Variants in FBXO31 observed in about 807,000 individuals in gnomAD.
The protein encoded by FBXO31 is F-box only protein 31.
FBXO31 carries 24 observed loss-of-function variants against 54.4 expected under a neutral mutation model. The ratio of observed to expected loss-of-function variants is 0.44; its 90% CI spans 0.32 to 0.62. The LOEUF (loss-of-function observed/expected upper bound fraction) is 0.62, where lower values mean the gene tolerates loss of function less well. Among genes scored for constraint, FBXO31 ranks in the 20% least tolerant of loss-of-function variants. The probability of loss-of-function intolerance (pLI) is 0.05; values close to 1 mark genes in which losing one functional copy is unlikely to be tolerated. For missense variants in FBXO31, 665 were observed against 787.1 expected (o/e 0.84, Z 1.86); for synonymous variants, 388 against 335.6 (o/e 1.16, Z -1.71).
rs531822619 is a variant in FBXO31, at chr16:87,345,351, G to A, written c.490-1586C>T. ...GGGCGGGAGGCAGGGTGGGAGGGAGGGAGGGGAAGAGGGTGGGAGGGCGGA... is the reference window on the plus strand; with the variant it reads ...GGGCGGGAGGCAGGGTGGGAGGGAGAGAGGGGAAGAGGGTGGGAGGGCGGA... On this transcript the variant is annotated intron_variant, in intron 3 of 8. Transcript: ENST00000311635. This position sits in a 1 kb window ranked among gnomAD's most constrained non-coding sequence, Gnocchi z 4.9. Among the ~76,000 whole-genome samples, 4 of 142,198 alleles carry A rather than the reference G, an allele frequency of 2.8e-5. No individual in the cohort carries two copies. The South Asian group carries it at 1.0e-3, about 36-fold the overall frequency. 93.3% of individuals were successfully genotyped at this position (142,198 alleles called of 152,430 possible). A position where few individuals can be genotyped will look rare whatever the true frequency, so the allele number is the denominator to read the frequency against.
At chr16:87,332,693 G>A (rs71390886) in intron 8 of FBXO31, among the ~76,000 whole-genome samples, 1,565 of 30,276 alleles carry the variant, frequency 0.052, 15 homozygotes, top group Middle Eastern at 0.094. Context: ...AACCCCCTCC[G>A]GGAGCTGGGC....
intron 1 of FBXO31, among the ~76,000 whole-genome samples, chr16:87,365,082 A>T (rs1200708508): frequency 7.5e-6 from 1 of 133,512 alleles, no homozygotes; most frequent in African/African-American, 2.8e-5. Context: ...CTGTGAGGAT[A>T]TAAAGGTCTT....
chr16:87,342,414 G>A (rs1256202414), intron 5 of FBXO31, among the ~76,000 whole-genome samples: 1 of 152,138 alleles, frequency 6.6e-6, no homozygotes, highest in African/African-American at 2.4e-5. Flanking sequence ...AAACTCAAGG[G>A]CAATATTAAA....
chr16:87,354,480 A>C (rs1313245549), intron 2 of FBXO31, among the ~76,000 whole-genome samples: 1 of 151,524 alleles, frequency 6.6e-6, no homozygotes, highest in South Asian at 2.1e-4. Flanking sequence ...AAAAAAAAAA[A>C]CCCAAAAATG....
intron 1 of FBXO31, among the ~76,000 whole-genome samples, chr16:87,370,934 A>C (rs1906575906): frequency 6.6e-6 from 1 of 152,194 alleles, no homozygotes; most frequent in Non-Finnish European, 1.5e-5. Context: ...GGCACAGGGA[A>C]TGAGCTGGCG....
At chr16:87,332,576 C>G (rs1900026965) in intron 8 of FBXO31, among the ~76,000 whole-genome samples, 1 of 152,132 alleles carries the variant, frequency 6.6e-6, no homozygotes, top group South Asian at 2.1e-4. Flanking sequence ...CTGTAAACCC[C>G]CCAGTCACCG....
In FBXO31 at chr16:87,378,174, A is replaced by C. The variant is rs572388182; in HGVS notation, c.340+5231T>G. ...AACTCCATCTCAAAAAAAAAAACAA[A>C]ACAAAACCAGAAATCTATCCAGATT... On this transcript the variant is annotated intron_variant, in intron 1 of 8. Coordinates refer to ENST00000311635, the MANE Select transcript of FBXO31 (RefSeq NM_024735.5). Among the ~76,000 whole-genome samples, 311 of 152,150 alleles carry C rather than the reference A, an allele frequency of 2.0e-3. 1 individual carries two copies. Among genetic ancestry groups the C allele is most frequent in the African/African-American group, 7.1e-3 (295 of 41,546 alleles).
chr16:87,336,448 C>A lies in FBXO31; in HGVS notation c.733-184G>T, dbSNP rs925002952. 6.6e-6 allele frequency among the ~76,000 whole-genome samples: 1 copy of A among 152,152 alleles called. No individual in the cohort carries two copies. Among genetic ancestry groups the A allele is most frequent in the African/African-American group, 2.4e-5 (1 of 41,432 alleles). The stretch of plus-strand genomic sequence containing the variant: ...AGAAAGGGGAGCTGCCGGATTTGAC[C>A]CCACGTCAGAGGTGCCTGCCAACAA... On this transcript the variant is annotated intron_variant, in intron 5 of 8. Coordinates refer to ENST00000311635, the MANE Select transcript of FBXO31 (RefSeq NM_024735.5). The surrounding 1 kb of genome is among the most constrained non-coding windows in gnomAD (Gnocchi z 6.5).
chr16:87,361,746 C>T (rs1038079700), intron 1 of FBXO31, among the ~76,000 whole-genome samples: 4 of 152,064 alleles, frequency 2.6e-5, no homozygotes, highest in Non-Finnish European at 4.4e-5. Context: ...AAGCACTGAC[C>T]GTACTCAAAG....
At chr16:87,343,446 A>C in intron 4 of FBXO31, 152 bp downstream of exon 4, 1 of 931,536 alleles carries the variant, frequency 1.1e-6, no homozygotes, top group East Asian at 2.6e-5. Context: ...GGAGGCGTAA[A>C]CAATGCACAG....
chr16:87,343,371 G>C (rs760729013), intron 4 of FBXO31, among the ~76,000 whole-genome samples: 6 of 152,260 alleles, frequency 3.9e-5, no homozygotes, highest in Non-Finnish European at 5.9e-5. Context: ...AGAAACAGCG[G>C]CTCTAACTGA....
upstream of FBXO31, chr16:87,389,940 A>G (rs1423110589): frequency 2.0e-5 from 3 of 152,266 alleles, no homozygotes; most frequent in African/African-American, 7.2e-5. Context: ...CAAAAAAATC[A>G]GGGACAGAAA....
At chr16:87,337,971 C>G (rs1389066308) in intron 5 of FBXO31, among the ~76,000 whole-genome samples, 1 of 152,098 alleles carries the variant, frequency 6.6e-6, no homozygotes, top group Non-Finnish European at 1.5e-5. Context: ...ACCTGAGTGG[C>G]TGAACTTGAG....
Position 87,360,280 on chromosome 16 carries a change from A to T in FBXO31, c.412+15T>A. On this transcript the variant is annotated intron_variant, in intron 2 of 8. Coordinates refer to ENST00000311635, the MANE Select transcript of FBXO31 (RefSeq NM_024735.5). ...ACAAAGTTAATCATGGATGGTAACA[A>T]ATAGATTCACTCACGCTTCGCATAG... The T allele has an allele frequency of 6.2e-7, 1 of 1,612,502 alleles. No individual in the cohort carries two copies. The highest frequency in any genetic ancestry group is 8.5e-7 in the Non-Finnish European group (1 of 1,178,440).
chr16:87,362,670 C>T (rs942723765), intron 1 of FBXO31: 2 of 152,408 alleles, frequency 1.3e-5, no homozygotes, highest in African/African-American at 4.8e-5. Flanking sequence ...AAGCGATTCT[C>T]CTGCCTCACC....
At chr16:87,331,716 G>C (rs951931294) in intron 8 of FBXO31, among the ~76,000 whole-genome samples, 5 of 152,238 alleles carry the variant, frequency 3.3e-5, no homozygotes, top group Admixed American at 6.5e-5. Flanking sequence ...AGCTAAGGGC[G>C]CAGGCCGAGC....
At chr16:87,340,031 C>T (rs1272982561) in intron 5 of FBXO31, among the ~76,000 whole-genome samples, 1 of 152,154 alleles carries the variant, frequency 6.6e-6, no homozygotes, top group African/African-American at 2.4e-5. Flanking sequence ...GCCTGTAATC[C>T]CAGCACTTTG....
At chr16:87,344,806 C>T (rs979755898) in intron 3 of FBXO31, among the ~76,000 whole-genome samples, 3 of 152,214 alleles carry the variant, frequency 2.0e-5, no homozygotes, top group Non-Finnish European at 4.4e-5. Context: ...ACACAACAAA[C>T]GCAGAGCGGG....
chr16:87,356,499 T>C (rs929712029), intron 2 of FBXO31, among the ~76,000 whole-genome samples: 18 of 152,044 alleles, frequency 1.2e-4, no homozygotes, highest in African/African-American at 3.9e-4. Flanking sequence ...AGAGGTCCCC[T>C]GGCTCTGGCC....
Sources: gnomAD v4.1 joint callset for allele counts (sites outside exome capture counted in the v4.1 genomes callset) on GRCh38, gnomAD v4.1.1 for gene constraint, Gnocchi (gnomAD v3.1) non-coding constraint, MANE v1.5 for transcripts, NCBI Gene and HGNC (gene_info 2026-07-23, HGNC 2026-07-21) for gene names.